MERTK: variants seen among roughly 807,000 people sequenced by gnomAD.
MERTK encodes the protein MER proto-oncogene, tyrosine kinase.
MERTK carries 69 observed loss-of-function variants against 99.3 expected under a neutral mutation model. The ratio of observed to expected loss-of-function variants is 0.70; its 90% confidence interval spans 0.57 to 0.85. MERTK has a LOEUF of 0.85. Ranked by LOEUF, MERTK falls within the 40% of genes least tolerant of loss-of-function variation. The pLI is 0.00. For missense variants in MERTK, 1,125 were observed against 1,249.4 expected, an observed-to-expected ratio of 0.90 and a Z score of 1.50; for synonymous variants, 426 against 467.6, an observed-to-expected ratio of 0.91 and a Z score of 1.15.
chr2:111,995,998 A>G (rs1160859757), intron 9 of MERTK, among the ~76,000 whole-genome samples: 3 of 152,082 alleles, frequency 2.0e-5, no homozygotes, highest in Non-Finnish European at 4.4e-5. Flanking sequence ...TTCTGATTCT[A>G]AAGGGACAGC....
intron 1 of MERTK, among the ~76,000 whole-genome samples, chr2:111,913,917 A>T (rs995824461): frequency 6.6e-6 from 1 of 151,602 alleles, no homozygotes; most frequent in Non-Finnish European, 1.5e-5. Flanking sequence ...TTCTTTTCTG[A>T]TCTTTTCTTT....
intron 4 of MERTK, among the ~76,000 whole-genome samples, chr2:111,955,075 AG>A (rs202072850): frequency 2.9e-5 from 3 of 104,236 alleles, no homozygotes; most frequent in Non-Finnish European, 6.3e-5. Context: ...GAGTGTTCCC[AG>A]GGGACGCCAT....
At chr2:111,986,519 G>T (rs1285202673) in intron 8 of MERTK, among the ~76,000 whole-genome samples, 1 of 152,200 alleles carries the variant, frequency 6.6e-6, no homozygotes, top group Non-Finnish European at 1.5e-5. Context: ...TCTACTTCTG[G>T]CTTGGGTGAA....
chr2:112,008,619 T>A (rs1677035887), intron 14 of MERTK, 144 bp downstream of exon 14: 1 of 764,056 alleles, frequency 1.3e-6, no homozygotes, highest in Admixed American at 1.8e-5. Flanking sequence ...TCACCCAGAC[T>A]TTTCTTCATA....
At chr2:112,008,560 T>A (rs1197663337) in intron 14 of MERTK, 85 bp downstream of exon 14, 1 of 994,418 alleles carries the variant, frequency 1.0e-6, no homozygotes, top group Middle Eastern at 2.1e-4. Context: ...CTGGTGTAGA[T>A]AAGTTTACAC....
At chr2:111,924,182 T>G (rs924869999) in intron 1 of MERTK, among the ~76,000 whole-genome samples, 1 of 152,198 alleles carries the variant, frequency 6.6e-6, no homozygotes, top group Non-Finnish European at 1.5e-5. Context: ...TACTAACTCA[T>G]AATAAAATGA....
rs755422343 is a variant in MERTK, at chr2:112,028,592, G to A, written c.2728G>A (p.Ala910Thr). 1.4e-5 allele frequency: 23 copies of A among 1,614,022 alleles called. No homozygotes were observed. Among genetic ancestry groups the A allele is most frequent in the Middle Eastern group, 3.3e-4 (2 of 6,084 alleles). Residue 910 changes from alanine to threonine, a missense_variant, in exon 19 of 19, where the codon GCT becomes ACT. Physicochemically the swap from Ala to Thr is moderately conservative, Grantham distance 58. Coordinates refer to ENST00000295408, the MANE Select transcript of MERTK (RefSeq NM_006343.3). ...TATAATTGCCTCCTGCACTCCCCGC[G>A]CTGCCATCAGTGTGGTCACAGCAGA... ...DSIIASCTPR[A>T]AISVVTAEVH...
At position 112,021,412 on chromosome 2, in the gene MERTK, C is replaced by G; in HGVS notation, c.2190-10C>G. On this transcript the variant is annotated splice_polypyrimidine_tract_variant and intron_variant, in intron 16 of 18. Coordinates refer to ENST00000295408, the MANE Select transcript of MERTK (RefSeq NM_006343.3). ...CTGACGCTGCTGAAGACGTAACCTGCTCTCTGTAGGTTGCGAGATGACATG... is the reference window on the plus strand; with the variant it reads ...CTGACGCTGCTGAAGACGTAACCTGGTCTCTGTAGGTTGCGAGATGACATG... 6.2e-7 allele frequency: 1 copy of G among 1,612,794 alleles called. No individual in the cohort carries two copies. The highest frequency in any genetic ancestry group is 8.5e-7 in the Non-Finnish European group (1 of 1,179,852).
intron 3 of MERTK, among the ~76,000 whole-genome samples, chr2:111,946,327 G>C (rs1242827529): frequency 6.6e-6 from 1 of 152,080 alleles, no homozygotes; most frequent in African/African-American, 2.4e-5. Context: ...AGTCCAAACA[G>C]AGTTTCAAAA....
chr2:111,914,817 T>A (rs1356377511), intron 1 of MERTK, among the ~76,000 whole-genome samples: 1 of 152,186 alleles, frequency 6.6e-6, no homozygotes, highest in African/African-American at 2.4e-5. Context: ...GTTAATAATT[T>A]TTTTGTGTTT....
chr2:111,973,459 A>G (rs1219503293), intron 6 of MERTK, among the ~76,000 whole-genome samples: 1 of 151,932 alleles, frequency 6.6e-6, no homozygotes, highest in East Asian at 1.9e-4. Flanking sequence ...GTGAAACTCA[A>G]CCCCCACACC....
chr2:111,920,701 T>C (rs1433346726), intron 1 of MERTK, among the ~76,000 whole-genome samples: 2 of 152,180 alleles, frequency 1.3e-5, no homozygotes, highest in Non-Finnish European at 2.9e-5. Context: ...TTGCCTACGC[T>C]GGAGTGCAGT....
At chr2:111,944,537 C>CTGTTTTAAGGAATTAGTCCTT (rs1558781453) in intron 2 of MERTK, among the ~76,000 whole-genome samples, 1 of 151,830 alleles carries the variant, frequency 6.6e-6, no homozygotes, top group Non-Finnish European at 1.5e-5. Flanking sequence ...GGAATTAGCT[C>CTGTTTTAAGGAATTAGTCCTT]ACACACAGTG....
rs191722542 is a variant in MERTK, at chr2:111,899,844, G to A, written c.61+1048G>A. Among the ~76,000 whole-genome samples the A allele has an allele frequency of 5.3e-5, 8 of 152,096 alleles. No homozygotes were observed. The East Asian group carries it at 1.4e-3, about 26-fold the overall frequency. On this transcript the variant is annotated intron_variant, in intron 1 of 18. Transcript: ENST00000295408. ...TCCAGGCATTTTAATACAAGATGCTGGACTGATACGTGGAGGCAAGGAAGG... is the reference window on the plus strand; with the variant it reads ...TCCAGGCATTTTAATACAAGATGCTAGACTGATACGTGGAGGCAAGGAAGG...
At chr2:111,953,617 C>G (rs893671230) in intron 4 of MERTK, among the ~76,000 whole-genome samples, 8 of 152,210 alleles carry the variant, frequency 5.3e-5, no homozygotes, top group African/African-American at 1.4e-4. Flanking sequence ...GCTCTGTCGC[C>G]CAGGCTGGAG....
intron 1 of MERTK, among the ~76,000 whole-genome samples, chr2:111,928,639 C>T (rs1307929253): frequency 6.6e-6 from 1 of 152,134 alleles, no homozygotes; most frequent in Non-Finnish European, 1.5e-5. Context: ...GAATGTGCCA[C>T]CATGCCCAGC....
At chr2:111,910,689 CAT>C (rs1684230112) in intron 1 of MERTK, among the ~76,000 whole-genome samples, 1 of 151,486 alleles carries the variant, frequency 6.6e-6, no homozygotes, top group East Asian at 1.9e-4. Context: ...TTGGTAGCAA[CAT>C]GGATGGAACT....
intron 1 of MERTK, among the ~76,000 whole-genome samples, chr2:111,925,292 A>ATATATATATATATATATTTTTT (rs372747015): frequency 4.1e-5 from 1 of 24,488 alleles, no homozygotes. Flanking sequence ...ATATATATAT[A>ATATATATATATATATATTTTTT]TTTTTTTTTT....
intron 15 of MERTK, chr2:112,015,836 T>A (rs778241424): frequency 1.0e-4 from 16 of 154,374 alleles, no homozygotes; most frequent in Non-Finnish European, 1.3e-4. Flanking sequence ...TTCTGAGTTA[T>A]TTTTTGTATA....
Sources: gnomAD v4.1 joint callset for allele counts (sites outside exome capture counted in the v4.1 genomes callset) on GRCh38, gnomAD v4.1.1 for gene constraint, MANE v1.5 for transcripts, NCBI Gene and HGNC (gene_info 2026-07-23, HGNC 2026-07-21) for gene names.